Variants in XYLT1 observed in about 807,000 individuals in gnomAD.
XYLT1 encodes the protein beta-D-xylosyltransferase 1.
In XYLT1, 36 loss-of-function variants were observed where a neutral mutation model predicts 91.3. The ratio of observed to expected loss-of-function variants is 0.39; its 90% confidence interval spans 0.30 to 0.52. The LOEUF (loss-of-function observed/expected upper bound fraction) is 0.52. XYLT1 is among the 20% of genes least tolerant of loss of function. XYLT1 has a pLI of 0.68. For missense variants in XYLT1, 1,242 were observed against 1,284.5 expected (o/e 0.97, Z 0.51); for synonymous variants, 588 against 532.0 (o/e 1.11, Z -1.45).
intron 2 of XYLT1, among the ~76,000 whole-genome samples, chr16:17,327,709 A>G (rs1027949199): frequency 2.0e-5 from 3 of 149,964 alleles, no homozygotes; most frequent in African/African-American, 7.4e-5. Context: ...AATTGATCAC[A>G]ATCAGCTTCT....
chr16:17,359,891 G>A (rs2035358209), intron 1 of XYLT1, among the ~76,000 whole-genome samples: 1 of 152,150 alleles, frequency 6.6e-6, no homozygotes, highest in Non-Finnish European at 1.5e-5. Flanking sequence ...AGTCTACTCT[G>A]TACTTCCTGT....
At chr16:17,231,955 AT>A (rs1240803146) in intron 3 of XYLT1, among the ~76,000 whole-genome samples, 3 of 151,712 alleles carry the variant, frequency 2.0e-5, no homozygotes, top group East Asian at 1.9e-4. Context: ...TTATAAAAAA[AT>A]AAACTATGAT....
At chr16:17,128,360 C>T (rs1039479990) in intron 9 of XYLT1, among the ~76,000 whole-genome samples, 3 of 152,164 alleles carry the variant, frequency 2.0e-5, no homozygotes, top group South Asian at 2.1e-4. Context: ...TCTGAAGACA[C>T]GATTTTGTAT....
intron 1 of XYLT1, among the ~76,000 whole-genome samples, chr16:17,443,116 G>A (rs1377083270): frequency 2.6e-5 from 4 of 152,122 alleles, no homozygotes; most frequent in Admixed American, 6.6e-5. Flanking sequence ...AAATAAGTAT[G>A]AAAATTGTAG....
intron 5 of XYLT1, among the ~76,000 whole-genome samples, chr16:17,161,227 T>C (rs1287836909): frequency 1.3e-5 from 2 of 152,182 alleles, no homozygotes; most frequent in Non-Finnish European, 2.9e-5. Context: ...CGGGGATGAA[T>C]AGGCATTTAG....
chr16:17,202,209 T>C (rs1321268555), intron 3 of XYLT1, among the ~76,000 whole-genome samples: 1 of 152,164 alleles, frequency 6.6e-6, no homozygotes, highest in Admixed American at 6.5e-5. Context: ...CCCAGGACAT[T>C]GTCAGGGTAG....
intron 1 of XYLT1, among the ~76,000 whole-genome samples, chr16:17,376,520 C>G (rs1230618050): frequency 6.6e-6 from 1 of 152,164 alleles, no homozygotes; most frequent in African/African-American, 2.4e-5. Flanking sequence ...GGTGACTTGT[C>G]TTTTCTGTTA....
chr16:17,212,283 T>TA (rs2032773422), intron 3 of XYLT1, among the ~76,000 whole-genome samples: 1 of 152,202 alleles, frequency 6.6e-6, no homozygotes, highest in African/African-American at 2.4e-5. Context: ...GCTGCACATT[T>TA]AAAATCATCT....
At chr16:17,308,319 C>G (rs966888500) in intron 2 of XYLT1, among the ~76,000 whole-genome samples, 1 of 152,164 alleles carries the variant, frequency 6.6e-6, no homozygotes, top group Non-Finnish European at 1.5e-5. Flanking sequence ...CTTTGGGCCT[C>G]AAAAGCATGT....
chr16:17,459,975 T>C (rs2036795854), intron 1 of XYLT1, among the ~76,000 whole-genome samples: 1 of 152,210 alleles, frequency 6.6e-6, no homozygotes, highest in African/African-American at 2.4e-5. Flanking sequence ...CTTGAAGACA[T>C]GAGCCCCGTC....
chr16:17,118,188 T>C (rs529141892), intron 10 of XYLT1, among the ~76,000 whole-genome samples: 5 of 152,290 alleles, frequency 3.3e-5, no homozygotes, highest in Admixed American at 2.0e-4. Context: ...AAAAGGCCTG[T>C]GGTCCTTTTA....
At chr16:17,466,598 T>C (rs142255281) in intron 1 of XYLT1, among the ~76,000 whole-genome samples, 6 of 152,336 alleles carry the variant, frequency 3.9e-5, no homozygotes, top group African/African-American at 1.4e-4. Context: ...AGCAAGCCTT[T>C]GACCACCCAC....
chr16:17,153,886 A>G (rs1015394688), intron 6 of XYLT1, among the ~76,000 whole-genome samples: 1 of 152,196 alleles, frequency 6.6e-6, no homozygotes, highest in Non-Finnish European at 1.5e-5. Context: ...GCACACCTCG[A>G]GAGCGTAAAC....
chr16:17,138,652 G>T, intron 7 of XYLT1, 121 bp from the exon 8 acceptor site: 1 of 1,220,138 alleles, frequency 8.2e-7, no homozygotes, highest in Non-Finnish European at 1.1e-6. Context: ...AAAAGAATGT[G>T]GCATCTCATC....
intron 10 of XYLT1, among the ~76,000 whole-genome samples, chr16:17,124,819 G>C (rs949183907): frequency 6.6e-6 from 1 of 152,248 alleles, no homozygotes; most frequent in East Asian, 1.9e-4. Flanking sequence ...GTTTGTTGGA[G>C]TGAGTTAATT....
intron 1 of XYLT1, among the ~76,000 whole-genome samples, chr16:17,452,654 A>G (rs1300365585): frequency 6.6e-6 from 1 of 152,176 alleles, no homozygotes. Flanking sequence ...ATTACTTAGA[A>G]GAGTTTCGAT....
chr16:17,368,243 T>A (rs1167147440), intron 1 of XYLT1, among the ~76,000 whole-genome samples: 1 of 152,100 alleles, frequency 6.6e-6, no homozygotes, highest in Non-Finnish European at 1.5e-5. Flanking sequence ...AGAGAGACGA[T>A]GAGAACACCT....
At chr16:17,460,288 GTCAC>G (rs1176166789) in intron 1 of XYLT1, among the ~76,000 whole-genome samples, 3 of 152,192 alleles carry the variant, frequency 2.0e-5, no homozygotes, top group Non-Finnish European at 2.9e-5. Flanking sequence ...AAAGGAGGCT[GTCAC>G]TCACACTCCC....
chr16:17,129,072 G>GAAAAAAAAAAAAA (rs34234422), intron 9 of XYLT1, among the ~76,000 whole-genome samples: 4 of 95,220 alleles, frequency 4.2e-5, no homozygotes, highest in African/African-American at 4.4e-5. Context: ...AGGGAGCATA[G>GAAAAAAAAAAAAA]AAAAAAAAAA....
Sources: allele counts gnomAD v4.1 joint callset (sites outside exome capture counted in the v4.1 genomes callset), GRCh38; gene constraint gnomAD v4.1.1; transcripts MANE v1.5; gene names NCBI Gene and HGNC (gene_info 2026-07-23, HGNC 2026-07-21).